The following ARSJ variants were observed in gnomAD, a reference collection of about 807,000 sequenced individuals.
ARSJ encodes arylsulfatase J.
Under a neutral mutation model 35.9 loss-of-function variants are expected in ARSJ, and 26 were observed. The ratio of observed to expected loss-of-function variants is 0.72; its 90% CI spans 0.53 to 1.00. The LOEUF is 1.00. ARSJ is among the 50% of genes least tolerant of loss of function. The pLI is 0.00. For synonymous variants in ARSJ, 294 were observed against 267.6 expected (o/e 1.10, Z -0.96); for missense variants, 667 against 723.6 (o/e 0.92, Z 0.90).
At chr4:113,959,453 G>A (rs938944625) in intron 1 of ARSJ, among the ~76,000 whole-genome samples, 7 of 151,936 alleles carry the variant, frequency 4.6e-5, no homozygotes, top group African/African-American at 1.7e-4. Context: ...GAACTTTAGG[G>A]ACATATATAA....
intron 1 of ARSJ, among the ~76,000 whole-genome samples, chr4:113,911,682 A>G (rs1180626994): frequency 6.6e-6 from 1 of 152,174 alleles, no homozygotes; most frequent in African/African-American, 2.4e-5. Flanking sequence ...AGAAATCCAG[A>G]AAAGGGATAG....
At chr4:113,904,154 C>G (rs2099668008) in intron 1 of ARSJ, among the ~76,000 whole-genome samples, 1 of 152,014 alleles carries the variant, frequency 6.6e-6, no homozygotes, top group Non-Finnish European at 1.5e-5. Context: ...GTCTCGAACT[C>G]CTGACCTCAA....
intron 1 of ARSJ, among the ~76,000 whole-genome samples, chr4:113,976,803 G>A (rs1727618305): frequency 6.6e-6 from 1 of 152,146 alleles, no homozygotes; most frequent in African/African-American, 2.4e-5. Flanking sequence ...TGAAATTACA[G>A]AGACGTTAAT....
intron 1 of ARSJ, among the ~76,000 whole-genome samples, chr4:113,925,496 T>C (rs1467190079): frequency 6.6e-6 from 1 of 152,090 alleles, no homozygotes; most frequent in Non-Finnish European, 1.5e-5. Flanking sequence ...CCCTGCAAAG[T>C]ATTGTCACCT....
chr4:113,959,137 A>G (rs1399332387), intron 1 of ARSJ, among the ~76,000 whole-genome samples: 1 of 152,090 alleles, frequency 6.6e-6, no homozygotes, highest in Non-Finnish European at 1.5e-5. Context: ...TTTTCAGGCA[A>G]ATGTGAAATT....
Position 113,945,776 on chromosome 4 carries a change from C to T in ARSJ, c.398+32661G>A, listed in dbSNP as rs143074085. On this transcript the variant is annotated intron_variant, in intron 1 of 1. Coordinates refer to ENST00000315366, the MANE Select transcript of ARSJ (RefSeq NM_024590.4). ...ATATAACAACCATTGTTTAGAAGTA[C>T]ACTGTATACTTGTATTTTGTCTGTC... Among the ~76,000 whole-genome samples the T allele has an allele frequency of 2.7e-3, 411 of 152,128 alleles. 3 individuals carry two copies. Among genetic ancestry groups the T allele is most frequent in the African/African-American group, 9.3e-3 (384 of 41,512 alleles).
intron 1 of ARSJ, among the ~76,000 whole-genome samples, chr4:113,918,603 T>C (rs1723468065): frequency 6.6e-6 from 1 of 152,154 alleles, no homozygotes. Flanking sequence ...TAAAATTTTC[T>C]GAATAGATAT....
At chr4:113,948,196 A>C (rs1725623772) in intron 1 of ARSJ, among the ~76,000 whole-genome samples, 1 of 152,084 alleles carries the variant, frequency 6.6e-6, no homozygotes, top group Non-Finnish European at 1.5e-5. Flanking sequence ...CTTAAAAAAA[A>C]ATTAACATAG....
At chr4:113,926,450 G>A (rs1724070393) in intron 1 of ARSJ, among the ~76,000 whole-genome samples, 1 of 152,156 alleles carries the variant, frequency 6.6e-6, no homozygotes, top group African/African-American at 2.4e-5. Flanking sequence ...TTTGGGTGGT[G>A]TCTGCATGTT....
intron 1 of ARSJ, among the ~76,000 whole-genome samples, chr4:113,955,992 G>A (rs973793719): frequency 2.0e-5 from 3 of 152,004 alleles, no homozygotes; most frequent in South Asian, 4.2e-4. Context: ...AAACATTATT[G>A]AAATCTATTT....
intron 1 of ARSJ, among the ~76,000 whole-genome samples, chr4:113,911,200 C>A (rs1308341662): frequency 1.3e-5 from 2 of 152,088 alleles, no homozygotes; most frequent in Non-Finnish European, 2.9e-5. Context: ...TGTAGATCAA[C>A]AATTTAGAAT....
At chr4:113,945,095 T>C (rs1166666857) in intron 1 of ARSJ, among the ~76,000 whole-genome samples, 1 of 152,084 alleles carries the variant, frequency 6.6e-6, no homozygotes, top group African/African-American at 2.4e-5. Context: ...ATTTTTGAAG[T>C]CCAAATAGAA....
chr4:113,977,921 C>T (rs997830894), intron 1 of ARSJ, among the ~76,000 whole-genome samples: 15 of 152,132 alleles, frequency 9.9e-5, no homozygotes, highest in African/African-American at 3.6e-4. Context: ...GAAAATGACC[C>T]ATCAAAGACC....
At chr4:113,972,981 C>G (rs1460042292) in intron 1 of ARSJ, among the ~76,000 whole-genome samples, 1 of 152,176 alleles carries the variant, frequency 6.6e-6, no homozygotes, top group Non-Finnish European at 1.5e-5. Context: ...ACAATAGACT[C>G]ATTATCTTTG....
At chr4:113,925,638 C>T (rs1054957863) in intron 1 of ARSJ, among the ~76,000 whole-genome samples, 87 of 152,270 alleles carry the variant, frequency 5.7e-4, no homozygotes, top group African/African-American at 1.9e-3. Flanking sequence ...ACTGCTTTAG[C>T]TGTAAAGTGA....
chr4:113,911,232 T>C (rs1457944311), intron 1 of ARSJ, among the ~76,000 whole-genome samples: 1 of 152,138 alleles, frequency 6.6e-6, no homozygotes, highest in Non-Finnish European at 1.5e-5. Flanking sequence ...AGGGGAGAGA[T>C]TCAGACATAT....
chr4:113,969,522 A>G (rs745316294), intron 1 of ARSJ, among the ~76,000 whole-genome samples: 19 of 152,224 alleles, frequency 1.2e-4, no homozygotes, highest in Non-Finnish European at 2.8e-4. Context: ...TTAAAATTAC[A>G]TAATATGTAA....
chr4:113,929,799 T>G (rs1724315407), intron 1 of ARSJ, among the ~76,000 whole-genome samples: 4 of 152,074 alleles, frequency 2.6e-5, no homozygotes, highest in Non-Finnish European at 4.4e-5. Context: ...CTTTCATCAG[T>G]TTTTCAACGG....
chr4:113,968,221 G>A (rs886679720), intron 1 of ARSJ, among the ~76,000 whole-genome samples: 2 of 152,084 alleles, frequency 1.3e-5, no homozygotes, highest in Non-Finnish European at 1.5e-5. Context: ...TAAGTTATAT[G>A]GCTGATGTCA....
Sources: gnomAD v4.1 joint callset for allele counts (sites outside exome capture counted in the v4.1 genomes callset) on GRCh38, gnomAD v4.1.1 for gene constraint, MANE v1.5 for transcripts, NCBI Gene and HGNC (gene_info 2026-07-23, HGNC 2026-07-21) for gene names.